MTMR4: variants seen among roughly 807,000 people sequenced by gnomAD.
MTMR4 encodes phosphatidylinositol-3,5-bisphosphate 3-phosphatase MTMR4.
MTMR4 carries 30 observed loss-of-function variants against 125.5 expected under a neutral mutation model. The ratio of observed to expected loss-of-function variants is 0.24; its 90% confidence interval spans 0.18 to 0.32. MTMR4 has a LOEUF of 0.32. Among genes scored for constraint, MTMR4 ranks in the 10% least tolerant of loss-of-function variants. The pLI is 1.00. For missense variants in MTMR4, 1,039 were observed against 1,511.5 expected, an observed-to-expected ratio of 0.69 and a Z score of 5.18; for synonymous variants, 498 against 564.5, an observed-to-expected ratio of 0.88 and a Z score of 1.67.
chr17:58,513,392 A>G (rs1412979888), intron 1 of MTMR4, among the ~76,000 whole-genome samples: 2 of 152,128 alleles, frequency 1.3e-5, no homozygotes, highest in Non-Finnish European at 2.9e-5. Context: ...TGAAGCTTCA[A>G]TCTGGTGGGT....
At position 58,512,885 on chromosome 17, in the gene MTMR4, G is replaced by C. The variant is rs768529591; in HGVS notation, c.102C>G (p.Pro34=). Residue 34 remains proline (P), a synonymous_variant, in exon 2 of 18, where the codon CCC becomes CCG. Transcript: ENST00000682306. The surrounding 1 kb of genome is among the most constrained non-coding windows in gnomAD (Gnocchi z 4.1). ...EYIQAKDLFP[P]KELVKEEENL... The stretch of plus-strand genomic sequence containing the variant: ...TCTCTTCCTCCTTCACTAGTTCCTT[G>C]GGGGGGAACAGATCCTTGGCTTGGA... The C allele has an allele frequency of 6.2e-7, 1 of 1,612,442 alleles. No homozygotes were observed. The highest frequency in any genetic ancestry group is 8.5e-7 in the Non-Finnish European group (1 of 1,179,264).
chr17:58,507,274 C>T lies in MTMR4; in HGVS notation c.753G>A (p.Glu251=). ...CATTGCGCCAGCCCCACCAGCTGAT[C>T]TCTGGCTGGCTGCAGCGGGCGATGG... ...GAAIARCSQP[E]ISWWGWRNAD... is the part of the protein sequence containing the mutation. Residue 251 remains glutamate (E), a synonymous_variant, in exon 8 of 18, where the codon GAG becomes GAA. Transcript: ENST00000682306. 6.2e-7 allele frequency: 1 copy of T among 1,614,096 alleles called. No homozygotes were observed. The highest frequency in any genetic ancestry group is 8.5e-7 in the Non-Finnish European group (1 of 1,180,014).
In MTMR4 at chr17:58,514,476, C is replaced by G. The variant is rs890830873; in HGVS notation, c.-69G>C. On this transcript the variant is annotated 5_prime_UTR_variant, in exon 1 of 18. Coordinates refer to ENST00000682306, the MANE Select transcript of MTMR4 (RefSeq NM_001378067.1). ...TGCGCTGCCCGCCAGCCCCGGGCGC[C>G]CGCCGCATCCCGGCTGCGGGGCTCG... is the stretch of plus-strand genomic sequence containing the variant. 2 of 984,934 alleles carry G rather than the reference C, an allele frequency of 2.0e-6. No individual in the cohort carries two copies. Among genetic ancestry groups the G allele is most frequent in the African/African-American group, 3.5e-5 (2 of 57,158 alleles). The allele number at this position is 984,934 out of a possible 1,614,324, so 61.0% of individuals were successfully genotyped here. A position where few individuals can be genotyped will look rare whatever the true frequency, so the allele number is the denominator to read the frequency against.
At position 58,514,627 on chromosome 17, in the gene MTMR4, AGAAGGGAGG is replaced by A; in HGVS notation, c.-229_-221del. The A allele has an allele frequency of 2.0e-6, 2 of 985,190 alleles. No individual in the cohort carries two copies. The highest frequency in any genetic ancestry group is 4.7e-5 in the South Asian group (1 of 21,290). The allele number at this position is 985,190 out of a possible 1,614,324, so 61.0% of individuals were successfully genotyped here. A position where few individuals can be genotyped will look rare whatever the true frequency, so the allele number is the denominator to read the frequency against. On this transcript the variant is annotated 5_prime_UTR_variant, in exon 1 of 18. Coordinates refer to ENST00000682306, the MANE Select transcript of MTMR4 (RefSeq NM_001378067.1). ...CAGCTCCGCCCTCCCGCACGAGTGC[AGAAGGGAGG>A]GGAGCCAGGCGAGGGGAGAGCCCGG...
chr17:58,493,802 G>A (rs1459770974), intron 15 of MTMR4, among the ~76,000 whole-genome samples: 13 of 152,100 alleles, frequency 8.5e-5, no homozygotes, highest in East Asian at 1.9e-4. Flanking sequence ...TGAGAAGCAG[G>A]CAAGTGGGGA....
At chr17:58,497,941 G>A (rs573742341) in intron 14 of MTMR4, among the ~76,000 whole-genome samples, 1 of 152,282 alleles carries the variant, frequency 6.6e-6, no homozygotes, top group East Asian at 1.9e-4. Flanking sequence ...AAGAAGTAAA[G>A]AATATGCTGG....
upstream of MTMR4, chr17:58,516,703 CCTT>C: frequency 8.4e-7 from 1 of 1,184,462 alleles, no homozygotes; most frequent in South Asian, 1.2e-5. Context: ...CTACCCCTGA[CCTT>C]CTCTACAACT....
chr17:58,499,172 C>G (rs1201461870), intron 14 of MTMR4, among the ~76,000 whole-genome samples: 2 of 151,980 alleles, frequency 1.3e-5, no homozygotes, highest in Non-Finnish European at 2.9e-5. Flanking sequence ...AATGACCTGT[C>G]CTATATTTCC....
rs149540828 is a variant in MTMR4 at position 58,503,629 on chromosome 17, G to A, written c.1853+115C>T. The A allele has an allele frequency of 5.5e-3, 7,415 of 1,341,352 alleles. 37 individuals are homozygous for A. Among genetic ancestry groups the A allele is most frequent in the African/African-American group, 9.1e-3 (621 of 67,900 alleles). 83.1% of individuals were successfully genotyped at this position (1,341,352 alleles called of 1,614,324 possible). A position where few individuals can be genotyped will look rare whatever the true frequency, so the allele number is the denominator to read the frequency against. On this transcript the variant is annotated intron_variant, in intron 14 of 17. Transcript: ENST00000682306. ...GCACCACTGGCACTCCACCCTGGGC[G>A]ACAAAGTGAGATTCCGTCTCAAAAA...
intron 14 of MTMR4, 71 bp downstream of exon 14, chr17:58,503,673 T>C (rs1269431188): frequency 4.7e-6 from 7 of 1,500,528 alleles, no homozygotes; most frequent in South Asian, 2.7e-5. Flanking sequence ...AAAGAGAACA[T>C]TTAGATGAGA....
chr17:58,494,023 T>C (rs1975384925), intron 15 of MTMR4, among the ~76,000 whole-genome samples: 1 of 152,054 alleles, frequency 6.6e-6, no homozygotes, highest in African/African-American at 2.4e-5. Context: ...ATTAAAATTG[T>C]ACACTGTTGG....
chr17:58,492,479 T>G (rs774032260), intron 17 of MTMR4, 32 bp downstream of exon 17: 133 of 1,494,232 alleles, frequency 8.9e-5, no homozygotes, highest in Non-Finnish European at 1.1e-4. Flanking sequence ...TGCCCTGTTT[T>G]TTGTCATACT....
At chr17:58,506,694 A>C in intron 9 of MTMR4, 49 bp downstream of exon 9, 1 of 1,599,236 alleles carries the variant, frequency 6.3e-7, no homozygotes, top group Non-Finnish European at 8.5e-7. Flanking sequence ...TCCTCACCAA[A>C]GCCACCCAGA....
intron 16 of MTMR4, 35 bp from the exon 17 acceptor site, chr17:58,492,634 T>C (rs765219969): frequency 6.3e-7 from 1 of 1,595,806 alleles, no homozygotes; most frequent in South Asian, 1.1e-5. Context: ...TCCTGGTCCT[T>C]GTTGACAGAC....
rs1409703070 is a variant in MTMR4, at chr17:58,508,916, CA to C, written c.336-76del. ...CATGGGGCTATCAGGGCCAAAAACACAGCCACAGGAAGGCTGTGAGGAGAGA... is the reference window on the plus strand; with the variant it reads ...CATGGGGCTATCAGGGCCAAAAACACGCCACAGGAAGGCTGTGAGGAGAGA... On this transcript the variant is annotated intron_variant, in intron 4 of 17. Coordinates refer to ENST00000682306, the MANE Select transcript of MTMR4 (RefSeq NM_001378067.1). This position sits in a 1 kb window ranked among gnomAD's most constrained non-coding sequence, Gnocchi z 4.8. The C allele has an allele frequency of 2.4e-5, 37 of 1,523,350 alleles. No individual in the cohort carries two copies. Among genetic ancestry groups the C allele is most frequent in the Non-Finnish European group, 3.2e-5 (36 of 1,114,846 alleles). The allele number at this position is 1,523,350 out of a possible 1,614,324, so 94.4% of individuals were successfully genotyped here. A position where few individuals can be genotyped will look rare whatever the true frequency, so the allele number is the denominator to read the frequency against.
chr17:58,512,266 GTGAGCCAC>G lies in MTMR4; in HGVS notation c.252+116_252+123del. 1 of 802,908 alleles carries G rather than the reference GTGAGCCAC, an allele frequency of 1.2e-6. No individual in the cohort carries two copies. The highest frequency in any genetic ancestry group is 2.1e-6 in the Non-Finnish European group (1 of 474,450). 49.7% of individuals were successfully genotyped at this position (802,908 alleles called of 1,614,324 possible). ...CTCCCAAAGTGCTGGGATTACAGGC[GTGAGCCAC>G]TGCGCCCGGCCTCCAACTTTTTTAA... On this transcript the variant is annotated intron_variant, in intron 3 of 17. Transcript: ENST00000682306. This position sits in a 1 kb window ranked among gnomAD's most constrained non-coding sequence, Gnocchi z 4.1.
chr17:58,511,957 T>C (rs184197828), intron 3 of MTMR4, among the ~76,000 whole-genome samples: 1 of 151,444 alleles, frequency 6.6e-6, no homozygotes, highest in East Asian at 1.9e-4. Context: ...AAACATGAGG[T>C]CAGAGAGAAA....
At chr17:58,506,659 A>T in intron 9 of MTMR4, 84 bp downstream of exon 9, 1 of 1,540,844 alleles carries the variant, frequency 6.5e-7, no homozygotes, top group Non-Finnish European at 8.8e-7. Flanking sequence ...GGCTCTTTCC[A>T]CTATACAAAT....
In MTMR4 at chr17:58,512,516, G is replaced by A. The variant is rs1184557034; in HGVS notation, c.136-10C>T. ...GCACTGTGAAGGGGACCTGTCAAGG[G>A]GCAGAGAAACCTTCAGTCCAGAAGT... On this transcript the variant is annotated splice_polypyrimidine_tract_variant and intron_variant, in intron 2 of 17. Transcript: ENST00000682306. The surrounding 1 kb of genome is among the most constrained non-coding windows in gnomAD (Gnocchi z 4.1). The A allele has an allele frequency of 6.2e-7, 1 of 1,605,084 alleles. No homozygotes were observed. The highest frequency in any genetic ancestry group is 1.1e-5 in the South Asian group (1 of 90,906).
Sources: allele counts gnomAD v4.1 joint callset (sites outside exome capture counted in the v4.1 genomes callset), GRCh38; gene constraint gnomAD v4.1.1; non-coding constraint Gnocchi (gnomAD v3.1); transcripts MANE v1.5; gene names NCBI Gene and HGNC (gene_info 2026-07-23, HGNC 2026-07-21).